The following ARHGAP29 variants were observed in gnomAD, a reference collection of about 807,000 sequenced individuals.
The protein encoded by ARHGAP29 is rho GTPase-activating protein 29.
ARHGAP29 carries 43 observed loss-of-function variants against 122.6 expected under a neutral mutation model. The ratio of observed to expected loss-of-function variants is 0.35; its 90% CI spans 0.27 to 0.45. The LOEUF (loss-of-function observed/expected upper bound fraction) is 0.45. Among genes scored for constraint, ARHGAP29 ranks in the 20% least tolerant of loss-of-function variants. The pLI is 1.00. For synonymous variants in ARHGAP29, 506 were observed against 497.1 expected, an observed-to-expected ratio of 1.02 and a Z score of -0.24; for missense variants, 1,303 against 1,477.2, an observed-to-expected ratio of 0.88 and a Z score of 1.93.
Position 94,245,929 on chromosome 1 carries a change from A to AGGAAC in ARHGAP29, c.-32-14287_-32-14286insGTTCC, listed in dbSNP as rs1226415095. 1.4e-3 allele frequency among the ~76,000 whole-genome samples: 215 copies of AGGAAC among 152,318 alleles called. 2 individuals are homozygous for AGGAAC. Among genetic ancestry groups the AGGAAC allele is most frequent in the African/African-American group, 5.1e-3 (212 of 41,574 alleles). ...ATGTTCCTAGGTCAAGAGCCTTTACATGTGAGGAAGTGAAGGTGCTTACAA... is the reference window on the plus strand; with the variant it reads ...ATGTTCCTAGGTCAAGAGCCTTTACAGGAACTGTGAGGAAGTGAAGGTGCTTACAA... On this transcript the variant is annotated intron_variant and NMD_transcript_variant, in intron 1 of 25. Transcript: ENST00000552844.
chr1:94,254,614 C>T (rs930860697), intron 1 of ARHGAP29, among the ~76,000 whole-genome samples: 2 of 152,062 alleles, frequency 1.3e-5, no homozygotes, highest in Non-Finnish European at 2.9e-5. Flanking sequence ...GAGCTCCATT[C>T]GGGAAAAATG....
intron 15 of ARHGAP29, 149 bp from the exon 16 acceptor site, chr1:94,186,746 G>A: frequency 6.8e-6 from 4 of 585,154 alleles, no homozygotes; most frequent in South Asian, 4.6e-5. Flanking sequence ...TGGGTAACAG[G>A]GAATTTTGAT....
rs762821054 is a variant in ARHGAP29, at chr1:94,184,213, C to T, written c.2185G>A (p.Val729Ile). 2 of 1,612,190 alleles carry T rather than the reference C, an allele frequency of 1.2e-6. No individual in the cohort carries two copies. The highest frequency in any genetic ancestry group is 1.7e-6 in the Non-Finnish European group (2 of 1,179,176). Reference protein sequence around the residue: ...CQALENGMHLVDISEFSSHDI... With the variant: ...CQALENGMHLIDISEFSSHDI... ...TGTGAACTAAATTCTGAAATATCTACCAAGTGCATTCCATTTTCCAAAGCT... is the reference window on the plus strand; with the variant it reads ...TGTGAACTAAATTCTGAAATATCTATCAAGTGCATTCCATTTTCCAAAGCT... Residue 729 changes from valine to isoleucine, a missense_variant, in exon 19 of 23, where the codon GTA (valine) becomes ATA (isoleucine). Val to Ile is a conservative substitution (Grantham distance 29). This residue lies in a region of ARHGAP29 where 620 missense variants were observed against 651.2 expected (regional missense o/e 0.95). Coordinates refer to ENST00000260526, the MANE Select transcript of ARHGAP29 (RefSeq NM_004815.4).
At chr1:94,232,182 T>C (rs1157359378) in intron 1 of ARHGAP29, among the ~76,000 whole-genome samples, 1 of 152,186 alleles carries the variant, frequency 6.6e-6, no homozygotes, top group Non-Finnish European at 1.5e-5. Context: ...CTGTCACTTA[T>C]TGTATGATCT....
chr1:94,298,977 C>T, the ARHGAP29 span, among the ~76,000 whole-genome samples: 9 of 152,188 alleles, frequency 5.9e-5, no homozygotes, highest in Non-Finnish European at 1.2e-4. Flanking sequence ...AAGGAAGCAT[C>T]GGATATTGCT....
upstream of ARHGAP29, among the ~76,000 whole-genome samples, chr1:94,240,009 GA>G (rs1237282463): frequency 1.3e-5 from 2 of 152,146 alleles, no homozygotes; most frequent in Non-Finnish European, 2.9e-5. Flanking sequence ...ATCAGTGGGG[GA>G]TGAAGAAAGA....
intron 1 of ARHGAP29, among the ~76,000 whole-genome samples, chr1:94,261,698 G>A (rs1227246497): frequency 6.6e-6 from 1 of 152,094 alleles, no homozygotes; most frequent in East Asian, 1.9e-4. Flanking sequence ...AGCTAACAAG[G>A]GAGGTGAAAG....
chr1:94,249,249 GGACTAACA>G (rs1360429946), intron 1 of ARHGAP29, among the ~76,000 whole-genome samples: 1 of 152,130 alleles, frequency 6.6e-6, no homozygotes. Context: ...TGGAGGACGA[GGACTAACA>G]GACACACAAA....
At chr1:94,177,760 A>G in intron 21 of ARHGAP29, 40 bp from the exon 22 acceptor site, 1 of 1,581,412 alleles carries the variant, frequency 6.3e-7, no homozygotes, top group Non-Finnish European at 8.6e-7. Context: ...AAGAAGTAAA[A>G]CATAACCTCA....
chr1:94,252,272 T>C (rs1022656962), intron 1 of ARHGAP29, among the ~76,000 whole-genome samples: 1 of 152,220 alleles, frequency 6.6e-6, no homozygotes, highest in African/African-American at 2.4e-5. Flanking sequence ...AAGTTCTGCT[T>C]ATAGCTTGGT....
chr1:94,174,996 C>T (rs552084761), intron 22 of ARHGAP29, among the ~76,000 whole-genome samples: 6 of 152,282 alleles, frequency 3.9e-5, no homozygotes, highest in African/African-American at 1.4e-4. Context: ...AAAAAAAACA[C>T]TTGCTGAGTA....
intron 2 of ARHGAP29, 89 bp from the exon 3 acceptor site, chr1:94,220,481 G>A: frequency 8.3e-7 from 1 of 1,211,026 alleles, no homozygotes; most frequent in Non-Finnish European, 1.1e-6. Flanking sequence ...ATTTCAAGTA[G>A]AAGCATTGGT....
intron 2 of ARHGAP29, among the ~76,000 whole-genome samples, chr1:94,221,236 T>C (rs1205156002): frequency 6.6e-6 from 1 of 152,110 alleles, no homozygotes; most frequent in African/African-American, 2.4e-5. Flanking sequence ...CCCAAGTAAA[T>C]CAGAAAGTAT....
intron 1 of ARHGAP29, among the ~76,000 whole-genome samples, chr1:94,264,343 C>T (rs1204808493): frequency 6.6e-6 from 1 of 152,090 alleles, no homozygotes; most frequent in Non-Finnish European, 1.5e-5. Context: ...GGTGCTCAAC[C>T]ATCCAAATCC....
At position 94,170,782 on chromosome 1, in the gene ARHGAP29, C is replaced by T. The variant is rs1648686230; in HGVS notation, c.*3087G>A. On this transcript the variant is annotated 3_prime_UTR_variant, in exon 23 of 23. Transcript: ENST00000260526. ...CATTTATTTAAGATCTCCTTAAATG[C>T]TTCCTGACATGGTCTAACATTTTCT... Among the ~76,000 whole-genome samples, 1 of 152,168 alleles carries T rather than the reference C, an allele frequency of 6.6e-6. No homozygotes were observed. Among genetic ancestry groups the T allele is most frequent in the South Asian group, 2.1e-4 (1 of 4,824 alleles).
In ARHGAP29 at chr1:94,184,960, G is replaced by A. The variant is rs1424474646; in HGVS notation, c.2021C>T (p.Thr674Ile). The A allele has an allele frequency of 6.2e-7, 1 of 1,612,780 alleles. No individual in the cohort carries two copies. Among genetic ancestry groups the A allele is most frequent in the Non-Finnish European group, 8.5e-7 (1 of 1,179,462 alleles). ...ATCTGGTTCCTTTTTTGCAACTTGT[G>A]TGAATTCTGCTCCAAATAAGTGTAT... ...GKIHLFGAEF[T>I]QVAKKEPDGI... The change falls in exon 18 of 23, where the codon ACA becomes ATA. Residue 674 changes from threonine to isoleucine, a missense_variant. Physicochemically the swap from Thr to Ile is moderately conservative, Grantham distance 89. Around this residue, in one of 3 missense-constraint regions of ARHGAP29, gnomAD observed 91 missense variants for 177.8 expected, o/e 0.51. Coordinates refer to ENST00000260526, the MANE Select transcript of ARHGAP29 (RefSeq NM_004815.4).
intron 11 of ARHGAP29, 24 bp from the exon 12 acceptor site, chr1:94,201,881 A>AG: frequency 6.5e-7 from 1 of 1,541,304 alleles, no homozygotes. Flanking sequence ...ACAGAAAAAA[A>AG]AATAACACTA....
intron 12 of ARHGAP29, among the ~76,000 whole-genome samples, chr1:94,197,021 A>T (rs1289485224): frequency 6.6e-6 from 1 of 152,158 alleles, no homozygotes. Context: ...AATAAGAATA[A>T]AATGCAGAAA....
At position 94,172,685 on chromosome 1, in the gene ARHGAP29, C is replaced by G. The variant is rs1648819019; in HGVS notation, c.*1184G>C. ...ACATTTAGTAGAAATATAATTCACA[C>G]ATAAAAACAGTCTACTTATTTTTTG... is the stretch of plus-strand genomic sequence containing the variant. On this transcript the variant is annotated 3_prime_UTR_variant, in exon 23 of 23. Coordinates refer to ENST00000260526, the MANE Select transcript of ARHGAP29 (RefSeq NM_004815.4). 6.6e-6 allele frequency: 1 copy of G among 151,898 alleles called. No individual in the cohort carries two copies. Among genetic ancestry groups the G allele is most frequent in the East Asian group, 1.9e-4 (1 of 5,160 alleles). 9.4% of individuals were successfully genotyped at this position (151,898 alleles called of 1,614,324 possible). A position where few individuals can be genotyped will look rare whatever the true frequency, so the allele number is the denominator to read the frequency against.
Sources: gnomAD v4.1 joint callset for allele counts (sites outside exome capture counted in the v4.1 genomes callset) on GRCh38, gnomAD v4.1.1 for gene constraint, gnomAD v4.1.1 regional missense constraint, MANE v1.5 for transcripts, NCBI Gene and HGNC (gene_info 2026-07-23, HGNC 2026-07-21) for gene names.